COPS4: variants seen among roughly 807,000 people sequenced by gnomAD.
COPS4 encodes the protein COP9 signalosome subunit 4, also known as COP9 signalosome complex subunit 4.
Under a neutral mutation model 55.1 loss-of-function variants are expected in COPS4, and 8 were observed. The observed-to-expected ratio is 0.15, with a 90% CI of 0.09 to 0.26. The LOEUF (loss-of-function observed/expected upper bound fraction) is 0.26. COPS4 is among the 10% of genes least tolerant of loss of function. COPS4 has a pLI of 1.00. For synonymous variants in COPS4, 185 were observed against 165.7 expected (o/e 1.12, Z -0.90); for missense variants, 248 against 484.0 (o/e 0.51, Z 4.58).
At chr4:83,063,393 T>C (rs1731215098) in intron 7 of COPS4, 147 bp downstream of exon 7, 1 of 560,098 alleles carries the variant, frequency 1.8e-6, no homozygotes, top group South Asian at 5.1e-5. Context: ...TTAAAATTTT[T>C]TTTTTAATTT....
In COPS4 at chr4:83,047,583, T is replaced by TA. The variant is rs1560436729; in HGVS notation, c.155-1583_155-1582insA. 1.5e-4 allele frequency among the ~76,000 whole-genome samples: 23 copies of TA among 151,950 alleles called. No homozygotes were observed. The East Asian group carries it at 3.1e-3, about 20-fold the overall frequency. ...AATTAAAAAACATATATATATATATTTTTTGATCTTTGTATAAGCTTTGAA... is the reference window on the plus strand; with the variant it reads ...AATTAAAAAACATATATATATATATTATTTTGATCTTTGTATAAGCTTTGAA... On this transcript the variant is annotated intron_variant, in intron 2 of 9. Transcript: ENST00000264389.
chr4:83,068,563 T>C, intron 9 of COPS4, 41 bp downstream of exon 9: 1 of 1,218,730 alleles, frequency 8.2e-7, no homozygotes, highest in Non-Finnish European at 1.2e-6. Context: ...GAAATAGCAG[T>C]GAACTGTTAT....
At chr4:83,060,426 G>C (rs1323038263) in intron 6 of COPS4, among the ~76,000 whole-genome samples, 4 of 150,730 alleles carry the variant, frequency 2.7e-5, no homozygotes, top group Admixed American at 2.0e-4. Flanking sequence ...TCGGCTCACT[G>C]CAAGCTCCGC....
At chr4:83,062,382 A>G (rs1385203577) in intron 6 of COPS4, among the ~76,000 whole-genome samples, 1 of 152,180 alleles carries the variant, frequency 6.6e-6, no homozygotes, top group Non-Finnish European at 1.5e-5. Flanking sequence ...ATGTTTCTGA[A>G]TTATCCTCCT....
intron 4 of COPS4, among the ~76,000 whole-genome samples, chr4:83,053,795 G>T (rs556271862): frequency 1.7e-5 from 2 of 120,718 alleles, no homozygotes; most frequent in East Asian, 2.6e-4. Flanking sequence ...AGCCGAGATT[G>T]CACCACTGCA....
chr4:83,067,344 C>G, intron 8 of COPS4, among the ~76,000 whole-genome samples: 1 of 151,754 alleles, frequency 6.6e-6, no homozygotes, highest in Admixed American at 6.6e-5. Context: ...CAGGTTCAGG[C>G]GATTCTCCTA....
intron 1 of COPS4, among the ~76,000 whole-genome samples, chr4:83,037,501 T>G (rs957348795): frequency 2.6e-5 from 4 of 152,234 alleles, no homozygotes; most frequent in Non-Finnish European, 5.9e-5. Flanking sequence ...CCATAACTCC[T>G]TCAGAGCTGC....
intron 2 of COPS4, among the ~76,000 whole-genome samples, chr4:83,046,738 C>T (rs1229085317): frequency 1.3e-5 from 2 of 152,198 alleles, no homozygotes; most frequent in African/African-American, 4.8e-5. Flanking sequence ...TAGTGCTTTA[C>T]AGTGTGTTCT....
intron 4 of COPS4, among the ~76,000 whole-genome samples, chr4:83,052,357 A>T (rs1056872365): frequency 6.6e-6 from 1 of 152,212 alleles, no homozygotes; most frequent in Non-Finnish European, 1.5e-5. Context: ...GGCTTTAGAT[A>T]GGAATATGGG....
In COPS4 at chr4:83,048,710, C is replaced by T. The variant is rs112157975; in HGVS notation, c.155-456C>T. 7.3e-3 allele frequency among the ~76,000 whole-genome samples: 1,118 copies of T among 152,196 alleles called. 17 individuals are homozygous for T. The highest frequency in any genetic ancestry group is 0.01 in the Middle Eastern group (3 of 294). ...AGGCTGGAGTACGGTGCTGTGATCT[C>T]GGCTCACTGCAACCCCAGCCTCCCA... On this transcript the variant is annotated intron_variant, in intron 2 of 9. Transcript: ENST00000264389.
At chr4:83,037,150 C>T (rs997394723) in intron 1 of COPS4, among the ~76,000 whole-genome samples, 1 of 152,192 alleles carries the variant, frequency 6.6e-6, no homozygotes, top group African/African-American at 2.4e-5. Flanking sequence ...GCCTGGATCT[C>T]TCTCTCTCTC....
intron 1 of COPS4, among the ~76,000 whole-genome samples, chr4:83,043,952 G>A (rs961540632): frequency 3.9e-5 from 6 of 152,132 alleles, no homozygotes. Context: ...AGATAACCAA[G>A]GTTGTGAGAA....
At chr4:83,074,503 C>A (rs1422196881) in intron 9 of COPS4, among the ~76,000 whole-genome samples, 16 of 147,648 alleles carry the variant, frequency 1.1e-4, no homozygotes, top group African/African-American at 4.0e-4. Context: ...ACTCTTGTCG[C>A]CCAGGCTGGA....
intron 1 of COPS4, among the ~76,000 whole-genome samples, chr4:83,043,529 A>AC (rs1730620445): frequency 2.7e-5 from 4 of 149,716 alleles, no homozygotes; most frequent in South Asian, 4.2e-4. Flanking sequence ...AAAAAAAAAA[A>AC]AAAAAAAAAA....
At chr4:83,073,836 A>T (rs1056446360) in intron 9 of COPS4, among the ~76,000 whole-genome samples, 5 of 152,154 alleles carry the variant, frequency 3.3e-5, no homozygotes, top group Non-Finnish European at 7.3e-5. Context: ...GCATGCCTGT[A>T]GTCCCAGCTA....
intron 9 of COPS4, among the ~76,000 whole-genome samples, chr4:83,072,140 G>A (rs1016538300): frequency 4.0e-4 from 60 of 151,050 alleles, no homozygotes; most frequent in African/African-American, 1.4e-3. Context: ...GCTGGAGTGC[G>A]ATGGCTCAAT....
chr4:83,066,446 A>G lies in COPS4; in HGVS notation c.895A>G (p.Ile299Val). The G allele has an allele frequency of 6.5e-7, 1 of 1,545,666 alleles. No individual in the cohort carries two copies. The highest frequency in any genetic ancestry group is 1.2e-5 in the South Asian group (1 of 82,242). ...TCTTATTTATGTTTAAGGTTCCAGC[A>G]TCTTGGACAGAGCTGTTATTGAACA... is the stretch of plus-strand genomic sequence containing the variant. ...QKATTADGSS[I>V]LDRAVIEHNL... Residue 299 changes from isoleucine to valine, a missense_variant, in exon 8 of 10, where the codon ATC becomes GTC. Ile to Val is a conservative substitution (Grantham distance 29). Around this residue, in one of 4 missense-constraint regions of COPS4, gnomAD observed 155 missense variants for 326.6 expected, o/e 0.47. Coordinates refer to ENST00000264389, the MANE Select transcript of COPS4 (RefSeq NM_016129.3).
chr4:83,055,173 G>A (rs1015410207), intron 4 of COPS4, among the ~76,000 whole-genome samples: 2 of 152,010 alleles, frequency 1.3e-5, no homozygotes, highest in East Asian at 3.9e-4. Flanking sequence ...CAGGTAAATA[G>A]GATTAATTTT....
At chr4:83,052,696 C>T (rs368149041) in intron 4 of COPS4, among the ~76,000 whole-genome samples, 22 of 152,152 alleles carry the variant, frequency 1.4e-4, no homozygotes, top group African/African-American at 5.3e-4. Flanking sequence ...CTTCAGTGTC[C>T]GTCTCCTAGC....
Sources: allele counts gnomAD v4.1 joint callset (sites outside exome capture counted in the v4.1 genomes callset), GRCh38; gene constraint gnomAD v4.1.1; regional missense constraint gnomAD v4.1.1; transcripts MANE v1.5; gene names NCBI Gene and HGNC (gene_info 2026-07-23, HGNC 2026-07-21).